FHIT: variants seen among roughly 807,000 people sequenced by gnomAD.
FHIT encodes fragile histidine triad diadenosine triphosphatase.
In FHIT, 19 loss-of-function variants were observed where a neutral mutation model predicts 17.9. The observed-to-expected ratio is 1.06, with a 90% confidence interval of 0.74 to 1.56. FHIT has a LOEUF of 1.56. Ranked by LOEUF, FHIT falls within the 40% of genes most tolerant of loss-of-function variation. FHIT has a pLI of 0.00. For missense variants in FHIT, 248 were observed against 189.2 expected (o/e 1.31, Z -1.82); for synonymous variants, 81 against 69.7 (o/e 1.16, Z -0.81).
chr3:60,051,117 A>G (rs997466245), intron 5 of FHIT, among the ~76,000 whole-genome samples: 1 of 152,126 alleles, frequency 6.6e-6, no homozygotes, highest in African/African-American at 2.4e-5. Context: ...GGTCTGCATA[A>G]CAGGAGGGTA....
chr3:61,057,676 T>C (rs1329499643), intron 2 of FHIT, among the ~76,000 whole-genome samples: 2 of 152,172 alleles, frequency 1.3e-5, no homozygotes, highest in African/African-American at 2.4e-5. Flanking sequence ...ATGTGGAAAG[T>C]ATGTGGCGGG....
chr3:61,109,824 CT>C (rs1387454360), intron 2 of FHIT, among the ~76,000 whole-genome samples: 14 of 152,164 alleles, frequency 9.2e-5, no homozygotes, highest in African/African-American at 3.4e-4. Context: ...CTCTCTTCTT[CT>C]AGTTGTTCAG....
At chr3:61,207,734 G>A (rs1393123220) in intron 1 of FHIT, among the ~76,000 whole-genome samples, 4 of 152,028 alleles carry the variant, frequency 2.6e-5, no homozygotes, top group African/African-American at 4.8e-5. Flanking sequence ...TCTTGCTAGA[G>A]GTCTATCAAT....
chr3:59,803,125 TTA>T (rs1162662007), intron 8 of FHIT, among the ~76,000 whole-genome samples: 3 of 151,936 alleles, frequency 2.0e-5, no homozygotes, highest in Admixed American at 2.0e-4. Context: ...AACCTGGCGT[TTA>T]TGTTTCCGCT....
intron 2 of FHIT, among the ~76,000 whole-genome samples, chr3:61,123,441 G>A (rs1021871690): frequency 1.3e-5 from 2 of 151,842 alleles, no homozygotes; most frequent in African/African-American, 4.8e-5. Flanking sequence ...CATGGCACAT[G>A]TATACCTATG....
intron 3 of FHIT, among the ~76,000 whole-genome samples, chr3:60,915,391 T>C (rs1227858845): frequency 1.3e-5 from 2 of 152,210 alleles, no homozygotes; most frequent in East Asian, 3.8e-4. Context: ...TAAAAGTTTA[T>C]AATAAGCAGT....
chr3:61,041,462 G>A (rs530714684), intron 3 of FHIT, among the ~76,000 whole-genome samples: 1 of 151,394 alleles, frequency 6.6e-6, no homozygotes, highest in African/African-American at 2.4e-5. Flanking sequence ...CATTCCTCTT[G>A]GGTCTCTTGA....
chr3:60,666,240 C>T (rs1280081228), intron 4 of FHIT, among the ~76,000 whole-genome samples: 1 of 152,126 alleles, frequency 6.6e-6, no homozygotes, highest in Admixed American at 6.5e-5. Flanking sequence ...TGTTTCCTTT[C>T]TGTTTAAAGA....
chr3:60,936,998 T>G (rs1383631327), intron 3 of FHIT, among the ~76,000 whole-genome samples: 1 of 26,432 alleles, frequency 3.8e-5, no homozygotes, highest in Non-Finnish European at 2.4e-4. Flanking sequence ...AATCAACACT[T>G]TGTGAGCTGA....
chr3:60,660,001 C>T (rs1218796251), intron 4 of FHIT, among the ~76,000 whole-genome samples: 2 of 152,102 alleles, frequency 1.3e-5, no homozygotes, highest in African/African-American at 4.8e-5. Context: ...AAAGTTAAGT[C>T]CTTCTCACAT....
chr3:59,844,890 T>C (rs186124884), intron 8 of FHIT, among the ~76,000 whole-genome samples: 1,755 of 152,268 alleles, frequency 0.012, 37 homozygotes, highest in African/African-American at 0.039. Flanking sequence ...GTTGTTTAAA[T>C]TTTTGGTACT....
chr3:59,926,736 T>C (rs1048163366), intron 7 of FHIT, among the ~76,000 whole-genome samples: 21 of 152,330 alleles, frequency 1.4e-4, no homozygotes, highest in African/African-American at 4.6e-4. Flanking sequence ...ATGCTCCACA[T>C]TATTAGTCAT....
intron 1 of FHIT, among the ~76,000 whole-genome samples, chr3:61,232,966 C>G (rs1304709648): frequency 1.3e-5 from 2 of 152,140 alleles, no homozygotes; most frequent in East Asian, 3.9e-4. Context: ...ACATATTTGC[C>G]TGTGTGCTAA....
Position 59,929,835 on chromosome 3 carries a change from T to C in FHIT, c.280-7421A>G, listed in dbSNP as rs1156409780. Among the ~76,000 whole-genome samples, 13 of 150,092 alleles carry C rather than the reference T, an allele frequency of 8.7e-5. No individual in the cohort carries two copies. In the East Asian group the frequency reaches 2.3e-3, roughly 27 times the overall value. Reference sequence around the variant, plus strand: ...AGCAATAACAATCCTTTTCTTCATGTAGAGTGATACAAATATGATACACGC... The same window carrying C: ...AGCAATAACAATCCTTTTCTTCATGCAGAGTGATACAAATATGATACACGC... On this transcript the variant is annotated intron_variant, in intron 7 of 9. Transcript: ENST00000492590.
At chr3:59,837,790 C>G (rs957002886) in intron 8 of FHIT, among the ~76,000 whole-genome samples, 2 of 152,094 alleles carry the variant, frequency 1.3e-5, no homozygotes, top group African/African-American at 4.8e-5. Flanking sequence ...ACCTATAGGA[C>G]TCTGGGCAAG....
At chr3:60,588,710 A>G (rs1293215174) in intron 4 of FHIT, among the ~76,000 whole-genome samples, 1 of 152,002 alleles carries the variant, frequency 6.6e-6, no homozygotes, top group Non-Finnish European at 1.5e-5. Flanking sequence ...GTGCGGTAGC[A>G]TGATCATGGC....
intron 4 of FHIT, among the ~76,000 whole-genome samples, chr3:60,580,815 C>T (rs1254866051): frequency 3.9e-5 from 6 of 152,022 alleles, no homozygotes; most frequent in South Asian, 2.1e-4. Flanking sequence ...TTAGGCAGGA[C>T]GCTGGTGGGA....
chr3:59,901,305 A>C (rs1704319287), intron 8 of FHIT, among the ~76,000 whole-genome samples: 1 of 152,232 alleles, frequency 6.6e-6, no homozygotes, highest in Admixed American at 6.5e-5. Context: ...CCTTGGGTAA[A>C]TGAGTGAATA....
intron 8 of FHIT, among the ~76,000 whole-genome samples, chr3:59,763,435 T>A (rs1022602995): frequency 4.6e-5 from 7 of 152,224 alleles, no homozygotes; most frequent in Admixed American, 6.5e-5. Flanking sequence ...AGATAAAACC[T>A]ATTTGAAGAA....
Sources: allele counts gnomAD v4.1 joint callset (sites outside exome capture counted in the v4.1 genomes callset), GRCh38; gene constraint gnomAD v4.1.1; transcripts MANE v1.5; gene names NCBI Gene and HGNC (gene_info 2026-07-23, HGNC 2026-07-21).